The following ABCC9 variants were observed in gnomAD, a reference collection of about 807,000 sequenced individuals.
The protein encoded by ABCC9 is ATP binding cassette subfamily C member 9, also known as ATP-binding cassette sub-family C member 9.
In ABCC9, 95 loss-of-function variants were observed where a neutral mutation model predicts 188.3. That is an observed-to-expected ratio of 0.50 (90% CI 0.43 to 0.60). ABCC9 has a LOEUF of 0.60. Ranked by LOEUF, ABCC9 falls within the 20% of genes least tolerant of loss-of-function variation. The probability of loss-of-function intolerance (pLI) is 0.00; values close to 1 mark genes in which losing one functional copy is unlikely to be tolerated. For synonymous variants in ABCC9, 659 were observed against 652.7 expected, an observed-to-expected ratio of 1.01 and a Z score of -0.15; for missense variants, 1,102 against 1,876.3, an observed-to-expected ratio of 0.59 and a Z score of 7.62.
At chr12:21,936,471 C>G in intron 3 of ABCC9, 62 bp downstream of exon 3, 1 of 1,431,996 alleles carries the variant, frequency 7.0e-7, no homozygotes, top group Non-Finnish European at 9.7e-7. Context: ...TATCCCAAAT[C>G]TCAGCCATTA....
chr12:21,902,963 CA>C (rs1309782837), intron 12 of ABCC9, among the ~76,000 whole-genome samples: 1 of 152,132 alleles, frequency 6.6e-6, no homozygotes, highest in Non-Finnish European at 1.5e-5. Context: ...ATCCTGATAC[CA>C]AAGCCTGGCA....
chr12:21,803,484 C>T (rs1941617541), intron 39 of ABCC9, among the ~76,000 whole-genome samples: 1 of 151,750 alleles, frequency 6.6e-6, no homozygotes, highest in Non-Finnish European at 1.5e-5. Flanking sequence ...GAAGAAACCC[C>T]ATCTCTACTA....
intron 5 of ABCC9, chr12:21,924,681 T>C (rs910512462): frequency 6.6e-6 from 1 of 152,076 alleles, no homozygotes; most frequent in Non-Finnish European, 1.5e-5. Flanking sequence ...ATAACCTTTC[T>C]TTTTACCATC....
chr12:21,909,982 T>G (rs1452108595), intron 10 of ABCC9, among the ~76,000 whole-genome samples, 175 bp downstream of exon 10: 1 of 151,952 alleles, frequency 6.6e-6, no homozygotes, highest in Admixed American at 6.6e-5. Context: ...AATTTCAAAC[T>G]TCTCTTGCTT....
chr12:21,892,466 A>T (rs1294723095), intron 14 of ABCC9, among the ~76,000 whole-genome samples: 1 of 152,222 alleles, frequency 6.6e-6, no homozygotes, highest in African/African-American at 2.4e-5. Context: ...GACTCTGGCC[A>T]TTTATCAATT....
At chr12:21,833,265 CT>C (rs1943878945) in intron 30 of ABCC9, among the ~76,000 whole-genome samples, 1 of 151,978 alleles carries the variant, frequency 6.6e-6, no homozygotes, top group Non-Finnish European at 1.5e-5. Flanking sequence ...CCCAAAAAAC[CT>C]ATTGAAATAA....
chr12:21,846,429 C>A (rs529171093), intron 25 of ABCC9, among the ~76,000 whole-genome samples: 1 of 152,204 alleles, frequency 6.6e-6, no homozygotes, highest in African/African-American at 2.4e-5. Context: ...TCCTGACAAT[C>A]AAAATTTGAT....
intron 5 of ABCC9, chr12:21,923,277 A>C (rs1592244702): frequency 2.6e-5 from 4 of 151,504 alleles, no homozygotes; most frequent in African/African-American, 9.7e-5. Context: ...GGACTAGAAG[A>C]AATGATAAAT....
rs72559433 is a variant in ABCC9 at position 21,936,810 on chromosome 12, T to C, written c.-20-116A>G. Reference sequence around the variant, plus strand: ...ATAAAATTAATCCCTTTTACTTTGATAGCTGAGGAAATAAGAAACTCTGTG... The same window carrying C: ...ATAAAATTAATCCCTTTTACTTTGACAGCTGAGGAAATAAGAAACTCTGTG... On this transcript the variant is annotated intron_variant, in intron 2 of 39. Transcript: ENST00000261200. The C allele has an allele frequency of 2.2e-3, 1,597 of 732,732 alleles. 20 individuals are homozygous for C. The African/African-American group carries it at 0.026, about 12-fold the overall frequency. 45.4% of individuals were successfully genotyped at this position (732,732 alleles called of 1,614,324 possible).
chr12:21,814,642 A>G lies in ABCC9; in HGVS notation c.4102+2T>C. 6.2e-7 allele frequency: 1 copy of G among 1,613,770 alleles called. No homozygotes were observed. The highest frequency in any genetic ancestry group is 8.5e-7 in the Non-Finnish European group (1 of 1,179,758). On this transcript the variant is annotated splice_donor_variant, in intron 35 of 39. Transcript: ENST00000261200. LOFTEE classifies it high-confidence loss of function. The stretch of plus-strand genomic sequence containing the variant: ...ACTTAAAAAATTTAGTTAGCAACTC[A>G]CCATCAAATATATCAACCATTCTGA...
At chr12:21,886,249 C>T (rs1172947154) in intron 15 of ABCC9, among the ~76,000 whole-genome samples, 1 of 151,970 alleles carries the variant, frequency 6.6e-6, no homozygotes, top group Non-Finnish European at 1.5e-5. Context: ...GCAAAATGTA[C>T]CTCTTGATTC....
chr12:21,870,119 A>G (rs1359948384), intron 18 of ABCC9, among the ~76,000 whole-genome samples: 1 of 152,168 alleles, frequency 6.6e-6, no homozygotes, highest in Non-Finnish European at 1.5e-5. Context: ...TCTATAATCT[A>G]GTATTATATT....
At chr12:21,868,869 T>C (rs1476359089) in intron 18 of ABCC9, among the ~76,000 whole-genome samples, 2 of 152,204 alleles carry the variant, frequency 1.3e-5, no homozygotes, top group African/African-American at 4.8e-5. Flanking sequence ...TTAATAGTTA[T>C]ATGCCTTTAT....
intron 7 of ABCC9, among the ~76,000 whole-genome samples, 170 bp downstream of exon 7, chr12:21,915,498 G>A (rs181534345): frequency 0.72 from 6,285 of 8,748 alleles, 2,371 homozygotes; most frequent in East Asian, 0.87. Context: ...GTGTGTGTGT[G>A]TGTATATATA....
At chr12:21,897,135 C>G (rs1372396294) in intron 12 of ABCC9, among the ~76,000 whole-genome samples, 2 of 152,134 alleles carry the variant, frequency 1.3e-5, no homozygotes, top group African/African-American at 4.8e-5. Context: ...GAGATGGTGT[C>G]TCATTGTGGT....
intron 4 of ABCC9, among the ~76,000 whole-genome samples, chr12:21,930,586 A>G (rs970319372): frequency 7.2e-5 from 11 of 152,192 alleles, no homozygotes; most frequent in African/African-American, 2.7e-4. Flanking sequence ...GTGGAGCAGA[A>G]AGGTGGAATA....
chr12:21,847,196 T>C (rs1017474719), intron 25 of ABCC9, among the ~76,000 whole-genome samples: 3 of 152,116 alleles, frequency 2.0e-5, no homozygotes, highest in Admixed American at 1.3e-4. Context: ...AAGGGCACAG[T>C]CAGCATCCCC....
Position 21,913,014 on chromosome 12 carries a change from T to G in ABCC9, c.869A>C (p.Tyr290Ser). ...NRTPSIWLAM[Y>S]RAFGRPILLS... Reference sequence around the variant, plus strand: ...TAGAATTGGTCGCCCAAAAGCTCTGTACATTGCAAGCCATATAGATGGAGT... The same window carrying G: ...TAGAATTGGTCGCCCAAAAGCTCTGGACATTGCAAGCCATATAGATGGAGT... The change falls in exon 8 of 40, where the codon TAC (tyrosine) becomes TCC (serine). Residue 290 changes from tyrosine (Y) to serine (S), a missense_variant. Tyr to Ser is a moderately radical substitution (Grantham distance 144). Transcript: ENST00000261200. 6.2e-7 allele frequency: 1 copy of G among 1,612,600 alleles called. No individual in the cohort carries two copies. The highest frequency in any genetic ancestry group is 2.2e-5 in the East Asian group (1 of 44,822).
At chr12:21,864,135 A>C (rs1945664887) in intron 19 of ABCC9, among the ~76,000 whole-genome samples, 1 of 152,102 alleles carries the variant, frequency 6.6e-6, no homozygotes, top group Non-Finnish European at 1.5e-5. Flanking sequence ...ATATGTATTA[A>C]TTCTTACATT....
Sources: allele counts gnomAD v4.1 joint callset (sites outside exome capture counted in the v4.1 genomes callset), GRCh38; gene constraint gnomAD v4.1.1; transcripts MANE v1.5; gene names NCBI Gene and HGNC (gene_info 2026-07-23, HGNC 2026-07-21).